The following NOVA1 variants were observed in gnomAD, a reference collection of about 807,000 sequenced individuals.
NOVA1 encodes the protein RNA-binding protein Nova-1.
Under a neutral mutation model 38.0 loss-of-function variants are expected in NOVA1, and 7 were observed. That is an observed-to-expected ratio of 0.18 (90% CI 0.10 to 0.35). NOVA1 has a LOEUF of 0.35. NOVA1 is among the 10% of genes least tolerant of loss of function. The pLI, the probability that NOVA1 is intolerant of heterozygous loss-of-function variation, is 1.00. For synonymous variants in NOVA1, 270 were observed against 232.5 expected, an observed-to-expected ratio of 1.16 and a Z score of -1.47; for missense variants, 460 against 616.0, an observed-to-expected ratio of 0.75 and a Z score of 2.68.
intron 2 of NOVA1, among the ~76,000 whole-genome samples, chr14:26,493,411 A>G (rs1236358702): frequency 6.6e-6 from 1 of 152,214 alleles, no homozygotes; most frequent in African/African-American, 2.4e-5. Context: ...CTTCTTTCAT[A>G]TAAGTCTCTC....
intron 2 of NOVA1, among the ~76,000 whole-genome samples, chr14:26,483,285 C>A (rs1471913474): frequency 2.0e-5 from 3 of 152,192 alleles, no homozygotes; most frequent in Non-Finnish European, 4.4e-5. Flanking sequence ...ATCACTTATG[C>A]ACTGGGCCCT....
rs183375727 is a variant in NOVA1, at chr14:26,573,449, A to G, written c.280+21961T>C. 3.3e-5 allele frequency among the ~76,000 whole-genome samples: 5 copies of G among 152,244 alleles called. No homozygotes were observed. In the East Asian group the frequency reaches 9.7e-4, roughly 29 times the overall value. On this transcript the variant is annotated intron_variant, in intron 2 of 4. Coordinates refer to ENST00000539517, the MANE Select transcript of NOVA1 (RefSeq NM_002515.3). ...TTAAAGAAAGGATTTAGCTTTTGGT[A>G]ATTTTGTATAAAATAAGAACTGAAC...
chr14:26,470,507 A>AC, intron 4 of NOVA1: 1 of 1,486,482 alleles, frequency 6.7e-7, no homozygotes, highest in Non-Finnish European at 9.4e-7. Flanking sequence ...ACAAGAACAG[A>AC]AGAAAACAGA....
intron 4 of NOVA1, among the ~76,000 whole-genome samples, chr14:26,456,886 C>T (rs1883225100): frequency 6.6e-6 from 1 of 151,596 alleles, no homozygotes; most frequent in African/African-American, 2.4e-5. Context: ...AGGCACTACA[C>T]TATATGAAAT....
At chr14:26,529,793 A>AG (rs1443066455) in intron 2 of NOVA1, among the ~76,000 whole-genome samples, 2 of 152,168 alleles carry the variant, frequency 1.3e-5, no homozygotes, top group Non-Finnish European at 2.9e-5. Context: ...GGGGAATCCT[A>AG]GGACTCACAC....
intron 2 of NOVA1, among the ~76,000 whole-genome samples, chr14:26,554,922 TA>T (rs1266760083): frequency 1.3e-4 from 20 of 152,136 alleles, no homozygotes; most frequent in African/African-American, 4.8e-4. Context: ...TGTCTATTTG[TA>T]AACAGTAATA....
intron 2 of NOVA1, among the ~76,000 whole-genome samples, chr14:26,517,442 T>C (rs139871118): frequency 0.012 from 1,818 of 152,318 alleles, 14 homozygotes; most frequent in Non-Finnish European, 0.016. Context: ...CACTAGAATG[T>C]AAACTGATAG....
intron 2 of NOVA1, among the ~76,000 whole-genome samples, chr14:26,510,731 C>T (rs1371419910): frequency 6.6e-6 from 1 of 152,140 alleles, no homozygotes; most frequent in African/African-American, 2.4e-5. Context: ...AGGCTTTAAA[C>T]ACTGTAGTTC....
intron 4 of NOVA1, among the ~76,000 whole-genome samples, chr14:26,458,685 G>A (rs990185219): frequency 6.6e-6 from 1 of 151,912 alleles, no homozygotes; most frequent in African/African-American, 2.4e-5. Context: ...GTTGGGAGGG[G>A]GAATGGGTTG....
intron 2 of NOVA1, among the ~76,000 whole-genome samples, chr14:26,494,734 CTT>C (rs966421181): frequency 2.5e-4 from 38 of 152,138 alleles, no homozygotes; most frequent in Admixed American, 2.1e-3. Context: ...CTCTCTCTCT[CTT>C]TCTCTCTCTA....
chr14:26,583,851 C>T (rs1159406867), intron 2 of NOVA1, among the ~76,000 whole-genome samples: 2 of 147,982 alleles, frequency 1.4e-5, no homozygotes, highest in Non-Finnish European at 1.5e-5. Context: ...TGACAATATA[C>T]CTAACTTTAG....
At chr14:26,478,140 A>C (rs1214373865) in intron 3 of NOVA1, among the ~76,000 whole-genome samples, 2 of 151,954 alleles carry the variant, frequency 1.3e-5, no homozygotes, top group Non-Finnish European at 2.9e-5. Flanking sequence ...CCAAAAAGGC[A>C]AATAAAAATA....
At chr14:26,537,863 A>G (rs976461082) in intron 2 of NOVA1, among the ~76,000 whole-genome samples, 2 of 152,210 alleles carry the variant, frequency 1.3e-5, no homozygotes, top group Non-Finnish European at 2.9e-5. Flanking sequence ...AAGGGATATT[A>G]TATTAGGAAA....
intron 2 of NOVA1, among the ~76,000 whole-genome samples, chr14:26,581,185 G>C (rs1035529199): frequency 4.6e-5 from 7 of 152,078 alleles, no homozygotes; most frequent in Non-Finnish European, 8.8e-5. Flanking sequence ...ATGTTCTCTA[G>C]AAGTCTTGTA....
At chr14:26,564,386 T>C (rs1476371433) in intron 2 of NOVA1, among the ~76,000 whole-genome samples, 1 of 152,126 alleles carries the variant, frequency 6.6e-6, no homozygotes, top group Non-Finnish European at 1.5e-5. Flanking sequence ...ACAGTTATTA[T>C]CCCTACTTTA....
At chr14:26,536,689 A>C (rs1226726370) in intron 2 of NOVA1, among the ~76,000 whole-genome samples, 1 of 152,158 alleles carries the variant, frequency 6.6e-6, no homozygotes, top group African/African-American at 2.4e-5. Context: ...ATAACCTTCA[A>C]ATAAGAAAAG....
At chr14:26,526,424 G>T (rs1425593300) in intron 2 of NOVA1, among the ~76,000 whole-genome samples, 2 of 151,992 alleles carry the variant, frequency 1.3e-5, no homozygotes, top group African/African-American at 4.8e-5. Context: ...TTCAGAGAAG[G>T]AAATAAAAAA....
At chr14:26,501,056 T>G (rs1428164624) in intron 2 of NOVA1, among the ~76,000 whole-genome samples, 2 of 151,994 alleles carry the variant, frequency 1.3e-5, no homozygotes, top group Non-Finnish European at 2.9e-5. Context: ...GTCAAACCTC[T>G]TAATACCCTT....
intron 4 of NOVA1, among the ~76,000 whole-genome samples, chr14:26,471,272 T>TA (rs1566451343): frequency 6.6e-6 from 1 of 151,928 alleles, no homozygotes; most frequent in Admixed American, 6.6e-5. Context: ...AGTATTAGGA[T>TA]AAAAAAATCA....
Sources: allele counts gnomAD v4.1 joint callset (sites outside exome capture counted in the v4.1 genomes callset), GRCh38; gene constraint gnomAD v4.1.1; transcripts MANE v1.5; gene names NCBI Gene and HGNC (gene_info 2026-07-23, HGNC 2026-07-21).